GALNT13: variants seen among roughly 807,000 people sequenced by gnomAD.
GALNT13 encodes the protein UDP-GalNAc:polypeptide N-acetylgalactosaminyltransferase 13.
A neutral mutation model predicts 64.2 loss-of-function variants in GALNT13; 28 were observed. The ratio of observed to expected loss-of-function variants is 0.44; its 90% CI spans 0.32 to 0.60. GALNT13 has a LOEUF of 0.60. Ranked by LOEUF, GALNT13 falls within the 20% of genes least tolerant of loss-of-function variation. The pLI is 0.05. For synonymous variants in GALNT13, 214 were observed against 224.6 expected (o/e 0.95, Z 0.42); for missense variants, 577 against 669.8 (o/e 0.86, Z 1.53).
chr2:153,346,050 C>T, the GALNT13 span, among the ~76,000 whole-genome samples: 34 of 152,176 alleles, frequency 2.2e-4, no homozygotes, highest in Non-Finnish European at 4.3e-4. Context: ...TCTCGGCTCA[C>T]TGCAACCTCC....
At chr2:153,994,879 T>G (rs1292414684) in intron 3 of GALNT13, among the ~76,000 whole-genome samples, 3 of 152,166 alleles carry the variant, frequency 2.0e-5, no homozygotes, top group African/African-American at 7.2e-5. Flanking sequence ...GCCTGTTCAC[T>G]CCGATGGTAG....
intron 3 of GALNT13, among the ~76,000 whole-genome samples, chr2:154,021,804 T>G (rs1697522160): frequency 1.3e-5 from 2 of 150,110 alleles, no homozygotes; most frequent in South Asian, 4.2e-4. Flanking sequence ...ATGCTTCCAG[T>G]TTTTGCCCAT....
At chr2:153,165,997 C>T in the GALNT13 span, among the ~76,000 whole-genome samples, 1 of 152,100 alleles carries the variant, frequency 6.6e-6, no homozygotes, top group Admixed American at 6.5e-5. Context: ...TTTACCGACA[C>T]AGGAAGCTAT....
At chr2:153,917,751 A>G (rs563556361) in intron 2 of GALNT13, among the ~76,000 whole-genome samples, 1 of 152,250 alleles carries the variant, frequency 6.6e-6, no homozygotes, top group Non-Finnish European at 1.5e-5. Context: ...TTGCCAGGCA[A>G]CCTTAGTCAG....
the GALNT13 span, among the ~76,000 whole-genome samples, chr2:153,321,972 T>TTGAG: frequency 6.7e-6 from 1 of 149,206 alleles, no homozygotes; most frequent in Non-Finnish European, 1.5e-5. Context: ...GTGTGTAAAG[T>TTGAG]TGTGTGTGTG....
chr2:153,596,257 A>C, the GALNT13 span, among the ~76,000 whole-genome samples: 120 of 152,316 alleles, frequency 7.9e-4, no homozygotes, highest in African/African-American at 2.7e-3. Context: ...GCCCATAACC[A>C]ACACAGTTTC....
At chr2:153,394,079 G>A in the GALNT13 span, among the ~76,000 whole-genome samples, 7 of 152,074 alleles carry the variant, frequency 4.6e-5, no homozygotes, top group South Asian at 2.1e-4. Context: ...CAGAAGTGAC[G>A]TGTGTTGGTT....
chr2:154,434,450 G>A (rs987093446), intron 11 of GALNT13, among the ~76,000 whole-genome samples: 1 of 152,050 alleles, frequency 6.6e-6, no homozygotes, highest in Admixed American at 6.6e-5. Context: ...TAGTAGAGAC[G>A]GGGTTTCACC....
At chr2:154,153,256 A>G (rs1684170724) in intron 4 of GALNT13, among the ~76,000 whole-genome samples, 1 of 152,008 alleles carries the variant, frequency 6.6e-6, no homozygotes, top group Non-Finnish European at 1.5e-5. Context: ...GATTTTCATG[A>G]ACCGCGAATG....
the GALNT13 span, among the ~76,000 whole-genome samples, chr2:153,535,006 T>A: frequency 6.6e-6 from 1 of 151,936 alleles, no homozygotes. Flanking sequence ...GTTGAAGTGT[T>A]GGGGCGGCGA....
chr2:153,588,501 C>T, the GALNT13 span, among the ~76,000 whole-genome samples: 3 of 152,222 alleles, frequency 2.0e-5, no homozygotes, highest in Non-Finnish European at 4.4e-5. Flanking sequence ...GGGCTTGCAT[C>T]CTCTGAAGCC....
chr2:154,212,645 TTTTCC>T (rs1307049790), intron 4 of GALNT13, among the ~76,000 whole-genome samples: 1 of 151,888 alleles, frequency 6.6e-6, no homozygotes, highest in Non-Finnish European at 1.5e-5. Context: ...CTCCTATCCC[TTTTCC>T]TCACCTTCTC....
chr2:154,374,702 A>G (rs1047779225), intron 9 of GALNT13, among the ~76,000 whole-genome samples: 2 of 152,206 alleles, frequency 1.3e-5, no homozygotes, highest in African/African-American at 2.4e-5. Flanking sequence ...TTTTGCAGTC[A>G]AAGAAAAGTG....
Position 153,944,434 on chromosome 2 carries a change from G to T in GALNT13, c.-64G>T, listed in dbSNP as rs1691563631. On this transcript the variant is annotated 5_prime_UTR_variant, in exon 3 of 13. Coordinates refer to ENST00000392825, the MANE Select transcript of GALNT13 (RefSeq NM_052917.4). ...TTTCATCTTGGAGTTCACCTGTGTG[G>T]CTTGGATTTATCACAGTAGCATTTG... 1 of 1,485,256 alleles carries T rather than the reference G, an allele frequency of 6.7e-7. No individual in the cohort carries two copies. Among genetic ancestry groups the T allele is most frequent in the Non-Finnish European group, 9.3e-7 (1 of 1,079,032 alleles). 92.0% of individuals were successfully genotyped at this position (1,485,256 alleles called of 1,614,324 possible). A position where few individuals can be genotyped will look rare whatever the true frequency, so the allele number is the denominator to read the frequency against.
chr2:154,406,304 C>G (rs759797307), intron 10 of GALNT13, among the ~76,000 whole-genome samples: 5 of 152,118 alleles, frequency 3.3e-5, no homozygotes, highest in Non-Finnish European at 7.4e-5. Context: ...ACTACAGTGG[C>G]CTTCTTCCTT....
chr2:153,209,226 C>T, the GALNT13 span, among the ~76,000 whole-genome samples: 2 of 151,926 alleles, frequency 1.3e-5, no homozygotes, highest in Non-Finnish European at 2.9e-5. Context: ...AAGATCCACC[C>T]GCCTCGGCCT....
chr2:153,313,310 A>G, the GALNT13 span, among the ~76,000 whole-genome samples: 2 of 152,224 alleles, frequency 1.3e-5, no homozygotes, highest in Non-Finnish European at 2.9e-5. Context: ...ATGTCCATCA[A>G]TGGCAGCATG....
the GALNT13 span, among the ~76,000 whole-genome samples, chr2:153,209,038 G>A: frequency 7.2e-6 from 1 of 139,062 alleles, no homozygotes; most frequent in Non-Finnish European, 1.5e-5. Context: ...GAGTGCAGTG[G>A]CACTATCTTG....
intron 9 of GALNT13, among the ~76,000 whole-genome samples, chr2:154,306,540 C>T (rs1693740091): frequency 6.8e-6 from 1 of 147,876 alleles, no homozygotes; most frequent in Non-Finnish European, 1.5e-5. Context: ...GCTGGCTGTA[C>T]AGGAGATCAG....
Sources: gnomAD v4.1 joint callset for allele counts (sites outside exome capture counted in the v4.1 genomes callset) on GRCh38, gnomAD v4.1.1 for gene constraint, MANE v1.5 for transcripts, NCBI Gene and HGNC (gene_info 2026-07-23, HGNC 2026-07-21) for gene names.